MEG3: variants seen among roughly 807,000 people sequenced by gnomAD.
MEG3 encodes the protein maternally expressed 3.
At chr14:100,858,144 T>A (rs1368679469) in exon 1 of MEG3, 1 of 152,456 alleles carries the variant, frequency 6.6e-6, no homozygotes, top group Non-Finnish European at 1.5e-5. Context: ...GTCCACCAAA[T>A]AAGGCCTCCT....
intron 2 of MEG3, among the ~76,000 whole-genome samples, chr14:100,836,502 G>A (rs11627730): frequency 0.2 from 29,725 of 152,054 alleles, 3,055 homozygotes; most frequent in Admixed American, 0.26. Flanking sequence ...AAGCATGTGT[G>A]GGGGTCCACC....
At chr14:100,844,307 T>G (rs1211910211) in intron 2 of MEG3, among the ~76,000 whole-genome samples, 1 of 152,184 alleles carries the variant, frequency 6.6e-6, no homozygotes, top group Non-Finnish European at 1.5e-5. Context: ...AAACAGACCT[T>G]GGCCCTGTCC....
chr14:100,846,268 C>T (rs2037914348), intron 3 of MEG3: 1 of 152,230 alleles, frequency 6.6e-6, no homozygotes, highest in Non-Finnish European at 1.5e-5. Context: ...AAACAGGTTT[C>T]TCATGGGGAT....
intron 1 of MEG3, chr14:100,826,353 G>C (rs990296478): frequency 6.6e-6 from 1 of 152,534 alleles, no homozygotes; most frequent in South Asian, 2.1e-4. Context: ...CGGCCACTTC[G>C]CCTGGTCCCC....
At chr14:100,853,575 T>C (rs1007877234), upstream of MEG3, 1 of 142,292 alleles carries the variant, frequency 7.0e-6, no homozygotes, top group Non-Finnish European at 1.5e-5. Flanking sequence ...ATTCACCACA[T>C]ACACTTTTTT....
chr14:100,836,325 C>A, intron 2 of MEG3: 1 of 455,700 alleles, frequency 2.2e-6, no homozygotes, highest in South Asian at 1.6e-5. Context: ...TTCTTGAGAC[C>A]CAGGATTTTA....
In MEG3 at chr14:100,837,036, G is replaced by A. The variant is rs984495680; in HGVS notation, n.3045+736G>A. Among the ~76,000 whole-genome samples the A allele has an allele frequency of 3.5e-4, 53 of 152,326 alleles. No homozygotes were observed. Among genetic ancestry groups the A allele is most frequent in the African/African-American group, 9.1e-4 (38 of 41,574 alleles). ...TGCAGCCGGGAGCCGTCCAGGGCTC[G>A]GGCCTGGGGTTGTTCTGGGGCGCCT... is the stretch of plus-strand genomic sequence containing the variant. On this transcript the variant is annotated intron_variant and non_coding_transcript_variant, in intron 2 of 3. Coordinates refer to the MEG3 transcript ENST00000398461. This position sits in a 1 kb window ranked among gnomAD's most constrained non-coding sequence, Gnocchi z 5.8.
chr14:100,849,439 G>A (rs1016393366), intron 3 of MEG3: 5 of 152,162 alleles, frequency 3.3e-5, no homozygotes, highest in Admixed American at 6.5e-5. Flanking sequence ...ACACATGAAC[G>A]ACTGAATTAG....
At chr14:100,834,881 C>T in exon 1 of MEG3, 1 of 447,048 alleles carries the variant, frequency 2.2e-6, no homozygotes. Flanking sequence ...GACCCCTGCC[C>T]CATTTGAACG....
intron 1 of MEG3, chr14:100,826,124 G>GGCGGAGA (rs1485532647): frequency 1.3e-5 from 2 of 152,232 alleles, no homozygotes; most frequent in East Asian, 3.9e-4. Flanking sequence ...TAGCGCAGAC[G>GGCGGAGA]GCGGAGAGCA....
At chr14:100,854,357 A>G (rs1305784088), upstream of MEG3, 1 of 152,204 alleles carries the variant, frequency 6.6e-6, no homozygotes, top group Non-Finnish European at 1.5e-5. Flanking sequence ...CTGGTCCCAG[A>G]TGTCCTTGGG....
chr14:100,847,577 G>A (rs1196262863), intron 3 of MEG3: 1 of 152,204 alleles, frequency 6.6e-6, no homozygotes, highest in Non-Finnish European at 1.5e-5. Context: ...AAGGGCTATG[G>A]CTGGTCCACT....
At chr14:100,859,488 T>C (rs2038340461) in exon 1 of MEG3, 1 of 152,180 alleles carries the variant, frequency 6.6e-6, no homozygotes, top group African/African-American at 2.4e-5. Context: ...GATGACCTGC[T>C]CCTCCGCCCC....
chr14:100,849,908 A>G (rs951690586), intron 3 of MEG3: 1 of 152,200 alleles, frequency 6.6e-6, no homozygotes, highest in Non-Finnish European at 1.5e-5. Flanking sequence ...AGATAAATAC[A>G]TTACACCTTT....
intron 2 of MEG3, among the ~76,000 whole-genome samples, chr14:100,840,011 G>A (rs532769211): frequency 6.8e-4 from 104 of 152,320 alleles, no homozygotes; most frequent in African/African-American, 2.3e-3. Flanking sequence ...TGTCCTCTCA[G>A]CTCGCGTCAC....
chr14:100,842,758 T>A (rs1406630428), intron 2 of MEG3, among the ~76,000 whole-genome samples: 1 of 152,202 alleles, frequency 6.6e-6, no homozygotes, highest in Admixed American at 6.5e-5. Flanking sequence ...AAAGAGGAAC[T>A]TTTAAAATCC....
chr14:100,860,897 A>G (rs1341055016), exon 2 of MEG3: 4 of 350,074 alleles, frequency 1.1e-5, no homozygotes, highest in Non-Finnish European at 2.3e-5. Context: ...CAGTGTCTGC[A>G]TGTGGGAAGT....
intron 2 of MEG3, among the ~76,000 whole-genome samples, chr14:100,843,691 A>G (rs1252826185): frequency 6.6e-6 from 1 of 152,026 alleles, no homozygotes; most frequent in Non-Finnish European, 1.5e-5. Context: ...AGGAATAGAG[A>G]GGCAGAGGCA....
chr14:100,841,105 G>A (rs1478821903), intron 2 of MEG3, among the ~76,000 whole-genome samples: 1 of 152,186 alleles, frequency 6.6e-6, no homozygotes, highest in Non-Finnish European at 1.5e-5. Context: ...CTTCAGGTTA[G>A]AGCGAAGCTG....
Sources: allele counts gnomAD v4.1 joint callset (sites outside exome capture counted in the v4.1 genomes callset), GRCh38; gene constraint gnomAD v4.1.1; non-coding constraint Gnocchi (gnomAD v3.1); transcripts MANE v1.5; gene names NCBI Gene and HGNC (gene_info 2026-07-23, HGNC 2026-07-21).